SSH1: variants seen among roughly 807,000 people sequenced by gnomAD.
The protein encoded by SSH1 is protein phosphatase Slingshot homolog 1.
SSH1 carries 43 observed loss-of-function variants against 79.7 expected under a neutral mutation model. The ratio of observed to expected loss-of-function variants is 0.54; its 90% CI spans 0.42 to 0.70. The LOEUF is 0.70. Ranked by LOEUF, SSH1 falls within the 30% of genes least tolerant of loss-of-function variation. The pLI, the probability that SSH1 is intolerant of heterozygous loss-of-function variation, is 0.00. For missense variants in SSH1, 1,206 were observed against 1,358.8 expected, an observed-to-expected ratio of 0.89 and a Z score of 1.77; for synonymous variants, 599 against 538.3, an observed-to-expected ratio of 1.11 and a Z score of -1.56.
chr12:108,850,799 G>A, intron 2 of SSH1, among the ~76,000 whole-genome samples: 1 of 136,000 alleles, frequency 7.4e-6, no homozygotes, highest in Admixed American at 7.6e-5. Flanking sequence ...TGGGGAAGGG[G>A]ATTTTGGGGA....
chr12:108,809,079 C>A lies in SSH1; in HGVS notation c.536+614G>T, dbSNP rs548048418. On this transcript the variant is annotated intron_variant, in intron 7 of 14. Transcript: ENST00000326495. ...AAACTCCTGACCTCAGGTCATCCAC[C>A]CACCGTGGCCTCCCAAAGTGCTGGG... Among the ~76,000 whole-genome samples the A allele has an allele frequency of 7.2e-5, 11 of 151,950 alleles. No homozygotes were observed. The South Asian group carries it at 2.3e-3, about 31-fold the overall frequency.
rs542447974 is a variant in SSH1, at chr12:108,798,691, G to A, written c.1349+309C>T. Among the ~76,000 whole-genome samples, 10 of 152,354 alleles carry A rather than the reference G, an allele frequency of 6.6e-5. No individual in the cohort carries two copies. The South Asian group carries it at 2.1e-3, about 32-fold the overall frequency. On this transcript the variant is annotated intron_variant, in intron 13 of 14. Transcript: ENST00000326495. ...GATGCCCAGGAAGCGAGATGCGCACGTGCTTACGCCACACACACGAGGCCA... is the reference window on the plus strand; with the variant it reads ...GATGCCCAGGAAGCGAGATGCGCACATGCTTACGCCACACACACGAGGCCA...
chr12:108,792,844 G>C lies in SSH1; in HGVS notation c.1350-15C>G, dbSNP rs968822068. 2.5e-6 allele frequency: 4 copies of C among 1,612,728 alleles called. No individual in the cohort carries two copies. Among genetic ancestry groups the C allele is most frequent in the South Asian group, 2.2e-5 (2 of 91,034 alleles). On this transcript the variant is annotated splice_polypyrimidine_tract_variant and intron_variant, in intron 13 of 14. Transcript: ENST00000326495. ...GCCGCTGTTTGCTGCGGGGAGAGAG[G>C]GTAGAGGAAGGTGAGGGGAGGAGGA...
chr12:108,809,936 G>C (rs554744574), intron 6 of SSH1, among the ~76,000 whole-genome samples, 178 bp from the exon 7 acceptor site: 2 of 152,302 alleles, frequency 1.3e-5, no homozygotes, highest in Admixed American at 1.3e-4. Context: ...AGGGCAGAAA[G>C]AGACACATTC....
intron 1 of SSH1, among the ~76,000 whole-genome samples, chr12:108,853,899 G>C (rs544863311): frequency 6.6e-6 from 1 of 151,542 alleles, no homozygotes; most frequent in East Asian, 1.9e-4. Flanking sequence ...ACTCCAGCCT[G>C]GTGAAAGAGC....
chr12:108,828,400 C>A (rs2038385047), intron 2 of SSH1, among the ~76,000 whole-genome samples: 1 of 152,272 alleles, frequency 6.6e-6, no homozygotes, highest in Non-Finnish European at 1.5e-5. Flanking sequence ...CCTGCTTAAC[C>A]CCTGTTAAGC....
intron 14 of SSH1, among the ~76,000 whole-genome samples, chr12:108,789,781 C>CCCCTA (rs1485528422): frequency 1.3e-5 from 2 of 152,122 alleles, no homozygotes; most frequent in Non-Finnish European, 2.9e-5. Context: ...GGAGGGCACC[C>CCCCTA]CCCTACCCCA....
At position 108,788,667 on chromosome 12, in the gene SSH1, T is replaced by C. The variant is rs765093389; in HGVS notation, c.2471A>G (p.Lys824Arg). The C allele has an allele frequency of 6.8e-6, 11 of 1,614,098 alleles. 1 individual carries two copies. In the South Asian group the frequency reaches 1.1e-4, roughly 16 times the overall value. Residue 824 changes from lysine (K) to arginine (R), a missense_variant, in exon 15 of 15, where the codon AAG (lysine) becomes AGG (arginine). Physicochemically the swap from Lys to Arg is conservative, Grantham distance 26. This residue lies in a region of SSH1 where 709 missense variants were observed against 730.6 expected (regional missense o/e 0.97). Coordinates refer to ENST00000326495, the MANE Select transcript of SSH1 (RefSeq NM_018984.4). ...CAGCCGCTCTAGCTCTTTGGTGTGC[T>C]TGCGGACCAAGCCTGCCTTCTGCAG... ...IQLQKAGLVR[K>R]HTKELERLKS... is the part of the protein sequence containing the mutation.
At position 108,785,541 on chromosome 12, in the gene SSH1, G is replaced by C. The variant is rs1192165594; in HGVS notation, c.*2447C>G. 6.6e-6 allele frequency: 1 copy of C among 152,180 alleles called. No individual in the cohort carries two copies. Among genetic ancestry groups the C allele is most frequent in the African/African-American group, 2.4e-5 (1 of 41,440 alleles). 9.4% of individuals were successfully genotyped at this position (152,180 alleles called of 1,614,324 possible). On this transcript the variant is annotated 3_prime_UTR_variant, in exon 15 of 15. Coordinates refer to ENST00000326495, the MANE Select transcript of SSH1 (RefSeq NM_018984.4). Reference sequence around the variant, plus strand: ...GGCTATTAAGCATCAAGTCCAGAATGCTTCACTCTGCTCTGTGGACGGGAC... The same window carrying C: ...GGCTATTAAGCATCAAGTCCAGAATCCTTCACTCTGCTCTGTGGACGGGAC...
chr12:108,806,522 T>C, intron 8 of SSH1, 128 bp from the exon 9 acceptor site: 3 of 831,084 alleles, frequency 3.6e-6, no homozygotes, highest in Non-Finnish European at 6.2e-6. Flanking sequence ...CTTCTTGGTG[T>C]GCATGTTCTC....
Position 108,789,264 on chromosome 12 carries a change from A to G in SSH1, c.1894-20T>C, listed in dbSNP as rs753466084. 3.2e-6 allele frequency: 5 copies of G among 1,580,318 alleles called. No individual in the cohort carries two copies. The South Asian group carries it at 4.6e-5, about 15-fold the overall frequency. Reference sequence around the variant, plus strand: ...ATCATCCTGCAAGGAAGGGGACAAGAGCATGGTGAGACGGTGCAGTCATGA... The same window carrying G: ...ATCATCCTGCAAGGAAGGGGACAAGGGCATGGTGAGACGGTGCAGTCATGA... On this transcript the variant is annotated intron_variant, in intron 14 of 14. Coordinates refer to ENST00000326495, the MANE Select transcript of SSH1 (RefSeq NM_018984.4).
rs145964159 is a variant in SSH1 at position 108,819,613 on chromosome 12, G to C, written c.215-1300C>G. Among the ~76,000 whole-genome samples, 471 of 152,256 alleles carry C rather than the reference G, an allele frequency of 3.1e-3. 4 individuals are homozygous for C. Among genetic ancestry groups the C allele is most frequent in the African/African-American group, 0.01 (427 of 41,538 alleles). On this transcript the variant is annotated intron_variant, in intron 3 of 14. Coordinates refer to ENST00000326495, the MANE Select transcript of SSH1 (RefSeq NM_018984.4). ...GGAGGCCGAGGCAGGAGACTCACTTGAGGCCAGGCATTCAAGACCAGTCTG... is the reference window on the plus strand; with the variant it reads ...GGAGGCCGAGGCAGGAGACTCACTTCAGGCCAGGCATTCAAGACCAGTCTG...
chr12:108,851,150 G>A (rs1247885905), intron 2 of SSH1, among the ~76,000 whole-genome samples: 1 of 152,158 alleles, frequency 6.6e-6, no homozygotes, highest in South Asian at 2.1e-4. Flanking sequence ...TTAAAAGTGA[G>A]GACCCAGCAG....
intron 13 of SSH1, among the ~76,000 whole-genome samples, chr12:108,798,686 C>A (rs529777487): frequency 3.3e-5 from 5 of 152,192 alleles, no homozygotes; most frequent in Non-Finnish European, 7.3e-5. Context: ...AAGCGAGATG[C>A]GCACGTGCTT....
rs1286909840 is a variant in SSH1 at position 108,792,787 on chromosome 12, G to A, written c.1392C>T (p.Ser464=). The A allele has an allele frequency of 1.2e-6, 2 of 1,613,788 alleles. No individual in the cohort carries two copies. Among genetic ancestry groups the A allele is most frequent in the Non-Finnish European group, 1.7e-6 (2 of 1,180,046 alleles). ...HNKLWRQQTD[S]SLQQPVDDPA... Reference sequence around the variant, plus strand: ...GGTCATCCACAGGCTGCTGGAGGCTGCTGTCTGTCTGCTGACGCCACAGCT... The same window carrying A: ...GGTCATCCACAGGCTGCTGGAGGCTACTGTCTGTCTGCTGACGCCACAGCT... The change falls in exon 14 of 15, where the codon AGC becomes AGT. Residue 464 remains serine, a synonymous_variant. Transcript: ENST00000326495.
Position 108,810,774 on chromosome 12 carries a change from C to T in SSH1, c.470+486G>A, listed in dbSNP as rs771096324. 5.9e-5 allele frequency among the ~76,000 whole-genome samples: 9 copies of T among 152,212 alleles called. No homozygotes were observed. The East Asian group carries it at 1.5e-3, about 26-fold the overall frequency. ...GGACGCTAGACGGCCCCTCATCCCC[C>T]GACTGCCTGCCCGGGTGGAACTGGT... On this transcript the variant is annotated intron_variant, in intron 6 of 14. Coordinates refer to ENST00000326495, the MANE Select transcript of SSH1 (RefSeq NM_018984.4).
chr12:108,834,995 T>C (rs888313050), intron 2 of SSH1, among the ~76,000 whole-genome samples: 1 of 152,148 alleles, frequency 6.6e-6, no homozygotes, highest in African/African-American at 2.4e-5. Context: ...CACAGCATCA[T>C]GCCACGTGCG....
chr12:108,792,836 G>A lies in SSH1; in HGVS notation c.1350-7C>T. 1.2e-6 allele frequency: 2 copies of A among 1,613,152 alleles called. No homozygotes were observed. Among genetic ancestry groups the A allele is most frequent in the Non-Finnish European group, 1.7e-6 (2 of 1,180,016 alleles). On this transcript the variant is annotated splice_region_variant and splice_polypyrimidine_tract_variant and intron_variant, in intron 13 of 14. Transcript: ENST00000326495. ...CTTGTTGTGCCGCTGTTTGCTGCGG[G>A]GAGAGAGGGTAGAGGAAGGTGAGGG...
chr12:108,811,018 C>T (rs753383902), intron 6 of SSH1, among the ~76,000 whole-genome samples: 12 of 152,246 alleles, frequency 7.9e-5, no homozygotes, highest in Non-Finnish European at 1.8e-4. Flanking sequence ...GAACTTCACA[C>T]AGCAGCATAT....
Sources: allele counts gnomAD v4.1 joint callset (sites outside exome capture counted in the v4.1 genomes callset), GRCh38; gene constraint gnomAD v4.1.1; regional missense constraint gnomAD v4.1.1; transcripts MANE v1.5; gene names NCBI Gene and HGNC (gene_info 2026-07-23, HGNC 2026-07-21).